The following VSIG10 variants were observed in gnomAD, a reference collection of about 807,000 sequenced individuals.
VSIG10 encodes V-set and immunoglobulin domain containing 10.
A neutral mutation model predicts 58.7 loss-of-function variants in VSIG10; 48 were observed. The observed-to-expected ratio is 0.82, with a 90% CI of 0.65 to 1.04. VSIG10 has a LOEUF of 1.04. Ranked by LOEUF, VSIG10 falls within the 50% of genes least tolerant of loss-of-function variation. The pLI, the probability that VSIG10 is intolerant of heterozygous loss-of-function variation, is 0.00. For missense variants in VSIG10, 628 were observed against 670.0 expected, an observed-to-expected ratio of 0.94 and a Z score of 0.69; for synonymous variants, 260 against 267.1, an observed-to-expected ratio of 0.97 and a Z score of 0.26.
At chr12:118,072,669 T>C (rs1249709549) in intron 5 of VSIG10, among the ~76,000 whole-genome samples, 1 of 151,830 alleles carries the variant, frequency 6.6e-6, no homozygotes, top group Non-Finnish European at 1.5e-5. Flanking sequence ...ACCAACCTGG[T>C]CAACACAGTG....
intron 1 of VSIG10, 48 bp downstream of exon 1, chr12:118,103,545 C>A: frequency 1.3e-6 from 2 of 1,488,352 alleles, no homozygotes; most frequent in Non-Finnish European, 1.8e-6. Flanking sequence ...CCCTCCCCAC[C>A]GCTGACTGGG....
In VSIG10 at chr12:118,103,644, G is replaced by T; in HGVS notation, c.28C>A (p.Pro10Thr). The change falls in exon 1 of 9, where the codon CCC becomes ACC. Residue 10 changes from proline to threonine, a missense_variant. By Grantham distance (38) the Pro-to-Thr change is conservative. Coordinates refer to ENST00000359236, the MANE Select transcript of VSIG10 (RefSeq NM_019086.6). MAAGGSAPEPRVLVCLGALL... is the reference protein window; with the variant it reads MAAGGSAPETRVLVCLGALL... ...GCCCCGAGGCAGACGAGGACGCGGG[G>T]CTCGGGCGCACTGCCGCCTGCGGCC... The T allele has an allele frequency of 1.3e-6, 2 of 1,505,294 alleles. No homozygotes were observed. Among genetic ancestry groups the T allele is most frequent in the Non-Finnish European group, 1.8e-6 (2 of 1,132,882 alleles). The allele number at this position is 1,505,294 out of a possible 1,614,324, so 93.2% of individuals were successfully genotyped here. A position where few individuals can be genotyped will look rare whatever the true frequency, so the allele number is the denominator to read the frequency against.
chr12:118,101,164 T>C (rs1017426789), intron 1 of VSIG10, among the ~76,000 whole-genome samples: 2 of 152,192 alleles, frequency 1.3e-5, no homozygotes, highest in African/African-American at 2.4e-5. Context: ...GAAGGTGCCC[T>C]TGGAGATCAT....
intron 1 of VSIG10, among the ~76,000 whole-genome samples, chr12:118,099,845 G>T (rs2033577685): frequency 6.6e-6 from 1 of 152,144 alleles, no homozygotes; most frequent in Non-Finnish European, 1.5e-5. Flanking sequence ...GTTAGAAGGG[G>T]CTCCCTTTTA....
intron 5 of VSIG10, 75 bp from the exon 6 acceptor site, chr12:118,071,544 C>G (rs546620816): frequency 7.5e-7 from 1 of 1,329,084 alleles, no homozygotes; most frequent in Non-Finnish European, 1.1e-6. Context: ...CCTTTCTCTG[C>G]GTGGATCCAG....
chr12:118,102,948 T>G (rs2137971161), intron 1 of VSIG10: 1 of 152,350 alleles, frequency 6.6e-6, no homozygotes, highest in Non-Finnish European at 1.5e-5. Flanking sequence ...CTCCAATTCT[T>G]TTTTCGTAGC....
At chr12:118,084,356 C>G (rs1264811158) in intron 2 of VSIG10, among the ~76,000 whole-genome samples, 1 of 152,132 alleles carries the variant, frequency 6.6e-6, no homozygotes, top group Non-Finnish European at 1.5e-5. Context: ...ACTCTTTAGA[C>G]CAGGAATTTT....
At chr12:118,075,382 GT>G (rs2137869346) in intron 4 of VSIG10, among the ~76,000 whole-genome samples, 1 of 152,016 alleles carries the variant, frequency 6.6e-6, no homozygotes, top group Admixed American at 6.6e-5. Flanking sequence ...TTGAGACAAG[GT>G]CTCGCTCTGT....
In VSIG10 at chr12:118,065,108, C is replaced by T. The variant is rs1312910933; in HGVS notation, c.*1531G>A. ...AAGCATCAGCAGGCTAAACTCATCA[C>T]ATGGTATTTTCATTCCAAATTTAGT... On this transcript the variant is annotated 3_prime_UTR_variant, in exon 9 of 9. Transcript: ENST00000359236. The T allele has an allele frequency of 1.3e-5, 2 of 152,262 alleles. No homozygotes were observed. Among genetic ancestry groups the T allele is most frequent in the African/African-American group, 4.8e-5 (2 of 41,474 alleles). 9.4% of individuals were successfully genotyped at this position (152,262 alleles called of 1,614,324 possible).
intron 7 of VSIG10, among the ~76,000 whole-genome samples, chr12:118,069,886 G>A (rs1168819517): frequency 6.6e-6 from 1 of 152,112 alleles, no homozygotes; most frequent in African/African-American, 2.4e-5. Flanking sequence ...TGGGTACAGG[G>A]CTTGGGAATG....
rs548663688 is a variant in VSIG10, at chr12:118,064,129, A to G, written c.*2510T>C. 6.6e-6 allele frequency: 1 copy of G among 152,324 alleles called. No individual in the cohort carries two copies. Among genetic ancestry groups the G allele is most frequent in the Admixed American group, 6.5e-5 (1 of 15,294 alleles). 9.4% of individuals were successfully genotyped at this position (152,324 alleles called of 1,614,324 possible). ...CACAAACTGTAATCCACTGTCAACA[A>G]GCTTGTGGATTTGGGCATGGATCGT... is the stretch of plus-strand genomic sequence containing the variant. On this transcript the variant is annotated 3_prime_UTR_variant, in exon 9 of 9. Coordinates refer to ENST00000359236, the MANE Select transcript of VSIG10 (RefSeq NM_019086.6).
intron 2 of VSIG10, among the ~76,000 whole-genome samples, chr12:118,094,426 C>T (rs939445364): frequency 5.3e-4 from 81 of 152,008 alleles, no homozygotes; most frequent in Non-Finnish European, 3.4e-4. Context: ...TTCTGTTGCC[C>T]AGGCTGGAGT....
In VSIG10 at chr12:118,101,037, G is replaced by A. The variant is rs545824639; in HGVS notation, c.79+2556C>T. 3.3e-5 allele frequency among the ~76,000 whole-genome samples: 5 copies of A among 152,332 alleles called. No homozygotes were observed. The South Asian group carries it at 1.0e-3, about 32-fold the overall frequency. ...GTGAAACTTTAGTCTTGGAACTTGA[G>A]CTAACATTGTTTTCTCCTCCAAGGC... is the stretch of plus-strand genomic sequence containing the variant. On this transcript the variant is annotated intron_variant, in intron 1 of 8. Coordinates refer to ENST00000359236, the MANE Select transcript of VSIG10 (RefSeq NM_019086.6).
intron 5 of VSIG10, among the ~76,000 whole-genome samples, chr12:118,072,730 T>C (rs1039301232): frequency 2.0e-5 from 3 of 149,436 alleles, no homozygotes; most frequent in Non-Finnish European, 4.5e-5. Flanking sequence ...TAGAGACATA[T>C]ATAGTAAAAC....
Position 118,066,753 on chromosome 12 carries a change from G to A in VSIG10, c.1568-59C>T, listed in dbSNP as rs112195945. 3,336 of 1,497,036 alleles carry A rather than the reference G, an allele frequency of 2.2e-3. 58 individuals carry two copies. In the African/African-American group the frequency reaches 0.039, roughly 17 times the overall value. 92.7% of individuals were successfully genotyped at this position (1,497,036 alleles called of 1,614,324 possible). On this transcript the variant is annotated intron_variant, in intron 8 of 8. Transcript: ENST00000359236. ...ATCAGAGTGTGATTCTATTTCCACC[G>A]TCAGTCATCAATCATCTCAGTGATT...
intron 7 of VSIG10, 22 bp from the exon 8 acceptor site, chr12:118,068,619 TAATC>T (rs2032357405): frequency 6.6e-7 from 1 of 1,512,402 alleles, no homozygotes; most frequent in Non-Finnish European, 8.9e-7. Flanking sequence ...AGGGGAAAAA[TAATC>T]AAGAAGATTT....
chr12:118,091,228 C>T (rs576128365), intron 2 of VSIG10, among the ~76,000 whole-genome samples: 1 of 152,266 alleles, frequency 6.6e-6, no homozygotes, highest in South Asian at 2.1e-4. Flanking sequence ...TACGGTGGCT[C>T]ACGCCTGTAA....
intron 2 of VSIG10, among the ~76,000 whole-genome samples, chr12:118,092,886 T>C (rs2033338569): frequency 6.6e-6 from 1 of 152,124 alleles, no homozygotes; most frequent in African/African-American, 2.4e-5. Flanking sequence ...TCCGTCCGCC[T>C]CAGCCTCCCA....
At chr12:118,080,289 C>T (rs1194154655) in intron 3 of VSIG10, among the ~76,000 whole-genome samples, 3 of 151,766 alleles carry the variant, frequency 2.0e-5, no homozygotes, top group South Asian at 2.1e-4. Flanking sequence ...CGTGAGCTAC[C>T]GCGCCCAGCC....
Sources: allele counts gnomAD v4.1 joint callset (sites outside exome capture counted in the v4.1 genomes callset), GRCh38; gene constraint gnomAD v4.1.1; transcripts MANE v1.5; gene names NCBI Gene and HGNC (gene_info 2026-07-23, HGNC 2026-07-21).